The following NEUROD2 variants were observed in gnomAD, a reference collection of about 807,000 sequenced individuals.
The protein encoded by NEUROD2 is neuronal differentiation 2.
NEUROD2 carries 5 observed loss-of-function variants against 9.3 expected under a neutral mutation model. The observed-to-expected ratio is 0.54, with a 90% CI of 0.28 to 1.13. The LOEUF (loss-of-function observed/expected upper bound fraction) is 1.13, where lower values mean the gene tolerates loss of function less well. Ranked by LOEUF, NEUROD2 falls within the 50% of genes most tolerant of loss-of-function variation. The pLI, the probability that NEUROD2 is intolerant of heterozygous loss-of-function variation, is 0.10. For missense variants in NEUROD2, 376 were observed against 549.2 expected (o/e 0.68, Z 3.15); for synonymous variants, 277 against 257.3 (o/e 1.08, Z -0.73).
intron 1 of NEUROD2, chr17:39,607,507 C>CT: frequency 1.5e-6 from 1 of 670,224 alleles, no homozygotes. Flanking sequence ...GTGATCCTGC[C>CT]TTCCCCCCCC....
intron 1 of NEUROD2, chr17:39,607,527 A>T: frequency 3.6e-6 from 3 of 829,640 alleles, no homozygotes; most frequent in Non-Finnish European, 4.4e-6. Flanking sequence ...CACCGAGCCC[A>T]TCGCAGGCAG....
In NEUROD2 at chr17:39,606,330, TTCC is replaced by T; in HGVS notation, c.267_269del (p.Glu91del). Reference sequence around the variant, plus strand: ...CGCCCTCCGCCTCGTCCAGTCCTTCTTCCTCCTCCTCTTCCTCCTCCTCCTCTC... The same window carrying T: ...CGCCCTCCGCCTCGTCCAGTCCTTCTTCCTCCTCTTCCTCCTCCTCCTCTC... On this transcript the variant is annotated inframe_deletion, in exon 2 of 2. Coordinates refer to ENST00000302584, the MANE Select transcript of NEUROD2 (RefSeq NM_006160.4). The surrounding 1 kb of genome is among the most constrained non-coding windows in gnomAD (Gnocchi z 7.8). 3.1e-6 allele frequency: 5 copies of T among 1,596,452 alleles called. No homozygotes were observed. The highest frequency in any genetic ancestry group is 4.3e-6 in the Non-Finnish European group (5 of 1,174,148).
chr17:39,606,770 G>T lies in NEUROD2; in HGVS notation c.-5-166C>A, dbSNP rs2056770832. On this transcript the variant is annotated intron_variant, in intron 1 of 1. Transcript: ENST00000302584. This position sits in a 1 kb window ranked among gnomAD's most constrained non-coding sequence, Gnocchi z 7.8. ...TCCGCCGCCTGCCCCGCCCAGAGCC[G>T]GCCCAGCCCTACCCGGCTGCCGGCC... 4.3e-6 allele frequency: 3 copies of T among 691,716 alleles called. No individual in the cohort carries two copies. Among genetic ancestry groups the T allele is most frequent in the African/African-American group, 1.9e-5 (1 of 51,818 alleles). The allele number at this position is 691,716 out of a possible 1,614,324, so 42.8% of individuals were successfully genotyped here. A position where few individuals can be genotyped will look rare whatever the true frequency, so the allele number is the denominator to read the frequency against.
Position 39,606,905 on chromosome 17 carries a change from C to G in NEUROD2, c.-5-301G>C, listed in dbSNP as rs1181753110. 1 of 336,790 alleles carries G rather than the reference C, an allele frequency of 3.0e-6. No individual in the cohort carries two copies. The highest frequency in any genetic ancestry group is 2.2e-5 in the African/African-American group (1 of 46,420). The allele number at this position is 336,790 out of a possible 1,614,324, so 20.9% of individuals were successfully genotyped here. A position where few individuals can be genotyped will look rare whatever the true frequency, so the allele number is the denominator to read the frequency against. On this transcript the variant is annotated intron_variant, in intron 1 of 1. Transcript: ENST00000302584. This position sits in a 1 kb window ranked among gnomAD's most constrained non-coding sequence, Gnocchi z 7.8. ...TTCTTCTCAGGGTCAGGGCAGGGAC[C>G]GGGTGGGGGTTTTAGGGACCAGATA...
rs2056759586 is a variant in NEUROD2 at position 39,604,755 on chromosome 17, C to CATTTTTTT, written c.*695_*696insAAAAAAAT. ...GCGTTCGGCTTCCGTCGCCTCTTAG[C>CATTTTTTT]TTTTTTTTTTTTTTTTTTTTTTTTT... On this transcript the variant is annotated 3_prime_UTR_variant, in exon 2 of 2. Transcript: ENST00000302584. The CATTTTTTT allele has an allele frequency of 1.8e-4, 4 of 22,318 alleles. No individual in the cohort carries two copies. Among genetic ancestry groups the CATTTTTTT allele is most frequent in the African/African-American group, 2.0e-4 (1 of 4,890 alleles). The allele number at this position is 22,318 out of a possible 1,614,324, so 1.4% of individuals were successfully genotyped here.
Position 39,606,822 on chromosome 17 carries a change from C to G in NEUROD2, c.-5-218G>C, listed in dbSNP as rs12949748. On this transcript the variant is annotated intron_variant, in intron 1 of 1. Coordinates refer to ENST00000302584, the MANE Select transcript of NEUROD2 (RefSeq NM_006160.4). The surrounding 1 kb of genome is among the most constrained non-coding windows in gnomAD (Gnocchi z 7.8). The stretch of plus-strand genomic sequence containing the variant: ...GGGATCTCGGCCCAGGCCCTCTCCC[C>G]GGCGCTGGGCCCCGGCTCCGCCCCT... 0.017 allele frequency: 8,432 copies of G among 492,564 alleles called. 607 individuals carry two copies. Among genetic ancestry groups the G allele is most frequent in the African/African-American group, 0.16 (7,660 of 48,814 alleles). The allele number at this position is 492,564 out of a possible 1,614,324, so 30.5% of individuals were successfully genotyped here. A position where few individuals can be genotyped will look rare whatever the true frequency, so the allele number is the denominator to read the frequency against.
In NEUROD2 at chr17:39,607,708, CT is replaced by C; in HGVS notation, c.-6+19del. On this transcript the variant is annotated intron_variant, in intron 1 of 1. Transcript: ENST00000302584. ...CTCCCAACCGGCGGGTCAGATCTCG[CT>C]CCCTTTCGGACAACTTACCTCGGAG... is the stretch of plus-strand genomic sequence containing the variant. 1 of 947,288 alleles carries C rather than the reference CT, an allele frequency of 1.1e-6. No individual in the cohort carries two copies. Among genetic ancestry groups the C allele is most frequent in the Non-Finnish European group, 1.3e-6 (1 of 795,398 alleles). 58.7% of individuals were successfully genotyped at this position (947,288 alleles called of 1,614,324 possible).
rs2056761495 is a variant in NEUROD2, at chr17:39,605,025, T to A, written c.*426A>T. On this transcript the variant is annotated 3_prime_UTR_variant, in exon 2 of 2. Coordinates refer to ENST00000302584, the MANE Select transcript of NEUROD2 (RefSeq NM_006160.4). The surrounding 1 kb of genome is among the most constrained non-coding windows in gnomAD (Gnocchi z 6.8). Reference sequence around the variant, plus strand: ...CCTGGCTCCTTTTTGCCTCGGCAGCTGGGTGTCTGTTTTTAAAATAATAAT... The same window carrying A: ...CCTGGCTCCTTTTTGCCTCGGCAGCAGGGTGTCTGTTTTTAAAATAATAAT... The A allele has an allele frequency of 1.3e-5, 2 of 154,010 alleles. No individual in the cohort carries two copies. The highest frequency in any genetic ancestry group is 6.5e-5 in the Admixed American group (1 of 15,318). The allele number at this position is 154,010 out of a possible 1,614,324, so 9.5% of individuals were successfully genotyped here.
rs1015671014 is a variant in NEUROD2, at chr17:39,607,528, T to C, written c.-6+200A>G. 4.8e-6 allele frequency: 4 copies of C among 826,732 alleles called. No homozygotes were observed. The African/African-American group carries it at 7.4e-5, about 15-fold the overall frequency. The allele number at this position is 826,732 out of a possible 1,614,324, so 51.2% of individuals were successfully genotyped here. ...CTGCCTTCCCCCCCCACCGAGCCCA[T>C]CGCAGGCAGAGACACCTCCTCTGCA... On this transcript the variant is annotated intron_variant, in intron 1 of 1. Transcript: ENST00000302584.
Position 39,605,532 on chromosome 17 carries a change from C to G in NEUROD2, c.1068G>C (p.Glu356Asp). Residue 356 changes from glutamate to aspartate, a missense_variant, in exon 2 of 2, where the codon GAG (glutamate) becomes GAC (aspartate). Glu to Asp is a conservative substitution (Grantham distance 45). Coordinates refer to ENST00000302584, the MANE Select transcript of NEUROD2 (RefSeq NM_006160.4). This position sits in a 1 kb window ranked among gnomAD's most constrained non-coding sequence, Gnocchi z 6.8. ...GGTGCATATCGTAAGACAAGAGATT[C>G]TCCGAGTGGACGCCCCCGCGCACAG... Reference protein sequence around the residue: ...SSAVRGGVHSENLLSYDMHLH... With the variant: ...SSAVRGGVHSDNLLSYDMHLH... The G allele has an allele frequency of 6.2e-7, 1 of 1,613,428 alleles. No individual in the cohort carries two copies. Among genetic ancestry groups the G allele is most frequent in the African/African-American group, 1.3e-5 (1 of 75,038 alleles).
At position 39,604,572 on chromosome 17, in the gene NEUROD2, C is replaced by T. The variant is rs1418027216; in HGVS notation, c.*879G>A. 6.6e-6 allele frequency: 1 copy of T among 151,278 alleles called. No homozygotes were observed. Among genetic ancestry groups the T allele is most frequent in the Non-Finnish European group, 1.5e-5 (1 of 67,860 alleles). 9.4% of individuals were successfully genotyped at this position (151,278 alleles called of 1,614,324 possible). On this transcript the variant is annotated 3_prime_UTR_variant, in exon 2 of 2. Coordinates refer to ENST00000302584, the MANE Select transcript of NEUROD2 (RefSeq NM_006160.4). ...CGGGCGGGGCATCCCGGGGCCGGGC[C>T]GGGCCGCGAGGCTCAGTGGAGCCTC...
chr17:39,605,393 G>A lies in NEUROD2; in HGVS notation c.*58C>T. 1.4e-6 allele frequency: 2 copies of A among 1,471,530 alleles called. No individual in the cohort carries two copies. Among genetic ancestry groups the A allele is most frequent in the Non-Finnish European group, 1.8e-6 (2 of 1,105,082 alleles). 91.2% of individuals were successfully genotyped at this position (1,471,530 alleles called of 1,614,324 possible). ...ATGGGGGTGTCCCTGCGCTCTGGGG[G>A]CTGGGGACAGGGGGGCGGGCAAAGG... On this transcript the variant is annotated 3_prime_UTR_variant, in exon 2 of 2. Coordinates refer to ENST00000302584, the MANE Select transcript of NEUROD2 (RefSeq NM_006160.4). This position sits in a 1 kb window ranked among gnomAD's most constrained non-coding sequence, Gnocchi z 6.8.
intron 1 of NEUROD2, chr17:39,607,510 C>T (rs1345255008): frequency 3.1e-6 from 2 of 648,946 alleles, no homozygotes; most frequent in Non-Finnish European, 1.9e-6. Flanking sequence ...ATCCTGCCTT[C>T]CCCCCCCACC....
chr17:39,607,625 A>G (rs1410805056), intron 1 of NEUROD2, 103 bp downstream of exon 1: 4 of 984,936 alleles, frequency 4.1e-6, no homozygotes, highest in Admixed American at 6.2e-5. Context: ...TGAGGGGGGC[A>G]TCATCCCAGG....
rs1464685787 is a variant in NEUROD2, at chr17:39,604,532, G to C, written c.*919C>G. ...AAGTGCACAGATCCGCGCTCGGGCG[G>C]GGCGGCCCGCAGGCCGGGCGGGGCA... On this transcript the variant is annotated 3_prime_UTR_variant, in exon 2 of 2. Transcript: ENST00000302584. 6.6e-6 allele frequency: 1 copy of C among 151,856 alleles called. No homozygotes were observed. Among genetic ancestry groups the C allele is most frequent in the Non-Finnish European group, 1.5e-5 (1 of 67,940 alleles). The allele number at this position is 151,856 out of a possible 1,614,324, so 9.4% of individuals were successfully genotyped here.
chr17:39,605,789 A>G lies in NEUROD2; in HGVS notation c.811T>C (p.Cys271Arg). The change falls in exon 2 of 2, where the codon TGC becomes CGC. Residue 271 changes from cysteine (C) to arginine (R), a missense_variant. Around this residue, in one of 3 missense-constraint regions of NEUROD2, gnomAD observed 193 missense variants for 255.8 expected, o/e 0.75. Transcript: ENST00000302584. The surrounding 1 kb of genome is among the most constrained non-coding windows in gnomAD (Gnocchi z 6.8). ...AAHALRTHGY[C>R]AAYETLYAAA... ...GCATACAGCGTCTCGTAGGCGGCGC[A>G]GTAGCCGTGGGTCCGCAGGGCGTGC... 7.1e-7 allele frequency: 1 copy of G among 1,415,838 alleles called. No homozygotes were observed. Among genetic ancestry groups the G allele is most frequent in the Non-Finnish European group, 9.2e-7 (1 of 1,090,080 alleles). The allele number at this position is 1,415,838 out of a possible 1,614,324, so 87.7% of individuals were successfully genotyped here. A position where few individuals can be genotyped will look rare whatever the true frequency, so the allele number is the denominator to read the frequency against.
chr17:39,603,902 G>A lies in NEUROD2; in HGVS notation c.*1549C>T, dbSNP rs1020002714. On this transcript the variant is annotated 3_prime_UTR_variant, in exon 2 of 2. Transcript: ENST00000302584. ...GGAAGGTAAAATTGCGTGTGTGTGG[G>A]TGAGTGTGTGGGTGTGTCGCCTGTG... 6.5e-6 allele frequency: 1 copy of A among 152,776 alleles called. No individual in the cohort carries two copies. The highest frequency in any genetic ancestry group is 2.4e-5 in the African/African-American group (1 of 41,452). 9.5% of individuals were successfully genotyped at this position (152,776 alleles called of 1,614,324 possible). A position where few individuals can be genotyped will look rare whatever the true frequency, so the allele number is the denominator to read the frequency against.
Position 39,606,030 on chromosome 17 carries a change from C to T in NEUROD2, c.570G>A (p.Gln190=). The T allele has an allele frequency of 1.2e-6, 2 of 1,614,100 alleles. No homozygotes were observed. The highest frequency in any genetic ancestry group is 1.7e-6 in the Non-Finnish European group (2 of 1,179,974). Reference sequence around the variant, plus strand: ...GCTGCGACAGACCCTTGCACAGAGTCTGCACGTAGGACACTAGGTCTGGCC... The same window carrying T: ...GCTGCGACAGACCCTTGCACAGAGTTTGCACGTAGGACACTAGGTCTGGCC... ...GKRPDLVSYV[Q]TLCKGLSQPT... Residue 190 remains glutamine, a synonymous_variant, in exon 2 of 2, where the codon CAG becomes CAA. Coordinates refer to ENST00000302584, the MANE Select transcript of NEUROD2 (RefSeq NM_006160.4). The surrounding 1 kb of genome is among the most constrained non-coding windows in gnomAD (Gnocchi z 7.8).
rs67001366 is a variant in NEUROD2 at position 39,604,755 on chromosome 17, CTTTT to C, written c.*692_*695del. 1 of 22,316 alleles carries C rather than the reference CTTTT, an allele frequency of 4.5e-5. No individual in the cohort carries two copies. The highest frequency in any genetic ancestry group is 2.0e-4 in the African/African-American group (1 of 4,888). 1.4% of individuals were successfully genotyped at this position (22,316 alleles called of 1,614,324 possible). A position where few individuals can be genotyped will look rare whatever the true frequency, so the allele number is the denominator to read the frequency against. ...GCGTTCGGCTTCCGTCGCCTCTTAGCTTTTTTTTTTTTTTTTTTTTTTTTTTTTT... is the reference window on the plus strand; with the variant it reads ...GCGTTCGGCTTCCGTCGCCTCTTAGCTTTTTTTTTTTTTTTTTTTTTTTTT... On this transcript the variant is annotated 3_prime_UTR_variant, in exon 2 of 2. Coordinates refer to ENST00000302584, the MANE Select transcript of NEUROD2 (RefSeq NM_006160.4).
Sources: allele counts gnomAD v4.1 joint callset, GRCh38; gene constraint gnomAD v4.1.1; regional missense constraint gnomAD v4.1.1; non-coding constraint Gnocchi (gnomAD v3.1); transcripts MANE v1.5; gene names NCBI Gene and HGNC (gene_info 2026-07-23, HGNC 2026-07-21).